UBE3B: variants seen among roughly 807,000 people sequenced by gnomAD.
UBE3B encodes the protein ubiquitin-protein ligase E3B.
Under a neutral mutation model 132.3 loss-of-function variants are expected in UBE3B, and 80 were observed. That is an observed-to-expected ratio of 0.60 (90% confidence interval 0.50 to 0.73). UBE3B has a LOEUF of 0.73. Among genes scored for constraint, UBE3B ranks in the 30% least tolerant of loss-of-function variants. The pLI, the probability that UBE3B is intolerant of heterozygous loss-of-function variation, is 0.00. For synonymous variants in UBE3B, 487 were observed against 520.4 expected (o/e 0.94, Z 0.87); for missense variants, 1,196 against 1,362.5 (o/e 0.88, Z 1.92).
rs1348302637 is a variant in UBE3B, at chr12:109,497,845, C to T, written c.741C>T (p.Asp247=). ...CTGTGATTGCTGCACAGTTCTCAGA[C>T]AATCTGATTCGGCCGTTCCTCATCC... ...LRPVIAAQFS[D]NLIRPFLIHI... Residue 247 remains aspartate (D), a synonymous_variant, in exon 10 of 28, where the codon GAC becomes GAT. Coordinates refer to ENST00000342494, the MANE Select transcript of UBE3B (RefSeq NM_130466.4). The T allele has an allele frequency of 1.2e-6, 2 of 1,614,204 alleles. No individual in the cohort carries two copies. The highest frequency in any genetic ancestry group is 1.7e-6 in the Non-Finnish European group (2 of 1,180,040).
intron 9 of UBE3B, among the ~76,000 whole-genome samples, chr12:109,495,297 A>T (rs780925025): frequency 2.0e-5 from 3 of 152,266 alleles, no homozygotes; most frequent in African/African-American, 4.8e-5. Flanking sequence ...GGAGCACATT[A>T]GCTAGAAGAA....
chr12:109,482,279 C>T (rs182041631), intron 2 of UBE3B, among the ~76,000 whole-genome samples: 7 of 152,136 alleles, frequency 4.6e-5, no homozygotes, highest in East Asian at 3.9e-4. Flanking sequence ...ACCCATCACC[C>T]GAATGGTGAA....
intron 9 of UBE3B, among the ~76,000 whole-genome samples, chr12:109,493,796 C>CTT (rs1277827527): frequency 1.3e-5 from 2 of 152,306 alleles, no homozygotes; most frequent in African/African-American, 4.8e-5. Context: ...CACGTATTAA[C>CTT]TGACTCCTCA....
chr12:109,523,915 C>A, intron 21 of UBE3B, 63 bp from the exon 22 acceptor site: 1 of 1,602,620 alleles, frequency 6.2e-7, no homozygotes, highest in Non-Finnish European at 8.5e-7. Context: ...CCTGAGCCAC[C>A]CCAATCCAAA....
intron 12 of UBE3B, 108 bp downstream of exon 12, chr12:109,499,918 A>G: frequency 9.8e-7 from 1 of 1,024,600 alleles, no homozygotes; most frequent in Non-Finnish European, 1.3e-6. Flanking sequence ...TTATAAAAAT[A>G]ATATGTATTC....
chr12:109,545,943 C>T, the UBE3B span, among the ~76,000 whole-genome samples: 1 of 152,182 alleles, frequency 6.6e-6, no homozygotes, highest in African/African-American at 2.4e-5. Context: ...ATCTACCCTG[C>T]ACTTTGGAAG....
At chr12:109,503,781 A>C (rs964971415) in intron 14 of UBE3B, among the ~76,000 whole-genome samples, 1 of 152,208 alleles carries the variant, frequency 6.6e-6, no homozygotes, top group Non-Finnish European at 1.5e-5. Flanking sequence ...AGGTTGCAGC[A>C]CAGTTGTTGT....
chr12:109,533,467 TC>T lies in UBE3B; in HGVS notation c.2925del (p.Phe975LeufsTer2). On this transcript the variant is annotated frameshift_variant and splice_region_variant, in exon 27 of 28. Transcript: ENST00000342494. LOFTEE classifies it high-confidence loss of function. ...TPDERAMFLK[F>X]VTSCSRPPLL... ...CACTGACCCTGCTTTGTGTTGCAGT[TC>T]GTGACCAGCTGCTCCAGACCCCCGC... 1 of 1,614,092 alleles carries T rather than the reference TC, an allele frequency of 6.2e-7. No homozygotes were observed. Among genetic ancestry groups the T allele is most frequent in the East Asian group, 2.2e-5 (1 of 44,886 alleles).
At chr12:109,486,598 A>AT in intron 6 of UBE3B, 23 bp downstream of exon 6, 1 of 1,509,278 alleles carries the variant, frequency 6.6e-7, no homozygotes. Flanking sequence ...AAAAAAAAAA[A>AT]AAAAAGCAAA....
At chr12:109,540,553 A>G (rs1049827674), downstream of UBE3B, among the ~76,000 whole-genome samples, 2 of 152,160 alleles carry the variant, frequency 1.3e-5, no homozygotes, top group Non-Finnish European at 2.9e-5. Flanking sequence ...GCCTTCTCCA[A>G]ATGCTTCTAA....
intron 2 of UBE3B, among the ~76,000 whole-genome samples, chr12:109,482,935 G>C (rs1236462331): frequency 6.6e-6 from 1 of 152,212 alleles, no homozygotes; most frequent in African/African-American, 2.4e-5. Flanking sequence ...CTTGCATTCT[G>C]AAGTGTGTAC....
At chr12:109,538,791 C>T (rs974670732), downstream of UBE3B, among the ~76,000 whole-genome samples, 5 of 152,210 alleles carry the variant, frequency 3.3e-5, no homozygotes, top group Admixed American at 2.6e-4. This position sits in a 1 kb window ranked among gnomAD's most constrained non-coding sequence, Gnocchi z 4.1. Context: ...CACACTGCCG[C>T]CTCTGAGGAA....
At position 109,533,827 on chromosome 12, in the gene UBE3B, C is replaced by T. The variant is rs867935573; in HGVS notation, c.3015+269C>T. On this transcript the variant is annotated intron_variant, in intron 27 of 27. Coordinates refer to ENST00000342494, the MANE Select transcript of UBE3B (RefSeq NM_130466.4). ...TACCTGGAGTGGGGGTGGGTACGTG[C>T]TGTTTTTAGTGGCGTCTGGCCTCAC... 4.2e-5 allele frequency: 43 copies of T among 1,014,236 alleles called. No individual in the cohort carries two copies. In the Middle Eastern group the frequency reaches 1.7e-3, roughly 39 times the overall value. 62.8% of individuals were successfully genotyped at this position (1,014,236 alleles called of 1,614,324 possible).
chr12:109,530,722 G>A (rs1882852925), intron 26 of UBE3B, 64 bp downstream of exon 26: 3 of 1,496,822 alleles, frequency 2.0e-6, no homozygotes, highest in East Asian at 2.3e-5. Context: ...GCCAGTTGAT[G>A]TAATAATTTA....
At position 109,478,000 on chromosome 12, in the gene UBE3B, T is replaced by A. The variant is rs1045195355; in HGVS notation, c.-237T>A. On this transcript the variant is annotated 5_prime_UTR_variant, in exon 1 of 28. Coordinates refer to ENST00000342494, the MANE Select transcript of UBE3B (RefSeq NM_130466.4). ...GGACGGTAGGCCTTTATAAACGGAC[T>A]AATGCTGGGTGATTTGTTCCTGTGG... 6.6e-6 allele frequency: 1 copy of A among 152,596 alleles called. No homozygotes were observed. The highest frequency in any genetic ancestry group is 1.5e-5 in the Non-Finnish European group (1 of 68,272). The allele number at this position is 152,596 out of a possible 1,614,324, so 9.5% of individuals were successfully genotyped here. A position where few individuals can be genotyped will look rare whatever the true frequency, so the allele number is the denominator to read the frequency against.
Position 109,534,615 on chromosome 12 carries a change from G to A in UBE3B, c.3040G>A (p.Val1014Ile), listed in dbSNP as rs376853832. ...GGACACCGGGGACACTCTGGGCAGCGTCCTCCGGGGCTTCTTCACCATCCG... is the reference window on the plus strand; with the variant it reads ...GGACACCGGGGACACTCTGGGCAGCATCCTCCGGGGCTTCTTCACCATCCG... ...DQDTGDTLGS[V>I]LRGFFTIRKR... The change falls in exon 28 of 28, where the codon GTC becomes ATC. Residue 1014 changes from valine (V) to isoleucine (I), a missense_variant. Physicochemically the swap from Val to Ile is conservative, Grantham distance 29 (BLOSUM62 3). Coordinates refer to ENST00000342494, the MANE Select transcript of UBE3B (RefSeq NM_130466.4). The surrounding 1 kb of genome is among the most constrained non-coding windows in gnomAD (Gnocchi z 5.2). 2.3e-5 allele frequency: 37 copies of A among 1,610,902 alleles called. No homozygotes were observed. Among genetic ancestry groups the A allele is most frequent in the Non-Finnish European group, 3.0e-5 (35 of 1,178,558 alleles).
In UBE3B at chr12:109,508,532, T is replaced by C. The variant is rs985590057; in HGVS notation, c.1622+797T>C. 1.0e-5 allele frequency: 10 copies of C among 985,294 alleles called. No individual in the cohort carries two copies. In the Admixed American group the frequency reaches 1.8e-4, roughly 18 times the overall value. 61.0% of individuals were successfully genotyped at this position (985,294 alleles called of 1,614,324 possible). A position where few individuals can be genotyped will look rare whatever the true frequency, so the allele number is the denominator to read the frequency against. ...TTTCATTCCACCTTTTCCCAAAAGGTTGGTGAAGAATTATAAGATACAATG... is the reference window on the plus strand; with the variant it reads ...TTTCATTCCACCTTTTCCCAAAAGGCTGGTGAAGAATTATAAGATACAATG... On this transcript the variant is annotated intron_variant, in intron 15 of 27. Transcript: ENST00000342494.
chr12:109,539,505 A>G (rs1883562671), downstream of UBE3B, among the ~76,000 whole-genome samples: 1 of 152,176 alleles, frequency 6.6e-6, no homozygotes, highest in African/African-American at 2.4e-5. Flanking sequence ...GCCGGTGGAA[A>G]GTTTCCTGGC....
chr12:109,498,701 G>A (rs917978861), intron 11 of UBE3B, among the ~76,000 whole-genome samples: 1 of 152,130 alleles, frequency 6.6e-6, no homozygotes, highest in Non-Finnish European at 1.5e-5. Flanking sequence ...TCAGAGCAGC[G>A]CCTGCTTTAC....
Sources: gnomAD v4.1 joint callset for allele counts (sites outside exome capture counted in the v4.1 genomes callset) on GRCh38, gnomAD v4.1.1 for gene constraint, Gnocchi (gnomAD v3.1) non-coding constraint, MANE v1.5 for transcripts, NCBI Gene and HGNC (gene_info 2026-07-23, HGNC 2026-07-21) for gene names.